THADA: variants seen among roughly 807,000 people sequenced by gnomAD.
THADA encodes tRNA (32-2'-O)-methyltransferase regulator THADA.
Under a neutral mutation model 219.8 loss-of-function variants are expected in THADA, and 213 were observed. The ratio of observed to expected loss-of-function variants is 0.97; its 90% confidence interval spans 0.87 to 1.09. THADA has a LOEUF of 1.09. THADA is among the 50% of genes least tolerant of loss of function. The pLI is 0.00. For missense variants in THADA, 2,956 were observed against 2,311.3 expected (o/e 1.28, Z -5.72); for synonymous variants, 1,018 against 828.9 (o/e 1.23, Z -3.92).
rs533560537 is a variant in THADA at position 43,582,361 on chromosome 2, G to A, written c.534-433C>T. On this transcript the variant is annotated intron_variant, in intron 7 of 37. Transcript: ENST00000405975. ...AAAATACAAAAATTAGCCAGGTGTGGTGGCACATGCCCGTAATCCCAGCTA... is the reference window on the plus strand; with the variant it reads ...AAAATACAAAAATTAGCCAGGTGTGATGGCACATGCCCGTAATCCCAGCTA... Among the ~76,000 whole-genome samples, 139 of 151,938 alleles carry A rather than the reference G, an allele frequency of 9.1e-4. 1 individual carries two copies. Among genetic ancestry groups the A allele is most frequent in the African/African-American group, 3.3e-3 (136 of 41,492 alleles).
chr2:43,411,500 G>C (rs1026776275), intron 28 of THADA, among the ~76,000 whole-genome samples: 1 of 152,094 alleles, frequency 6.6e-6, no homozygotes, highest in African/African-American at 2.4e-5. Context: ...CCCCCAACTT[G>C]ATTAGATTAA....
intron 25 of THADA, among the ~76,000 whole-genome samples, chr2:43,495,563 T>C (rs549486787): frequency 7.2e-5 from 11 of 152,250 alleles, no homozygotes; most frequent in African/African-American, 2.4e-4. Context: ...CTTTTCTTTA[T>C]TTTCAAAATT....
At chr2:43,585,560 A>G (rs1370132946) in intron 7 of THADA, among the ~76,000 whole-genome samples, 1 of 151,198 alleles carries the variant, frequency 6.6e-6, no homozygotes, top group Admixed American at 6.6e-5. Context: ...AGATAGATAG[A>G]TAGATAGATA....
chr2:43,351,934 T>C (rs1668315415), intron 29 of THADA, among the ~76,000 whole-genome samples: 1 of 152,236 alleles, frequency 6.6e-6, no homozygotes, highest in African/African-American at 2.4e-5. Flanking sequence ...CCCCAAGCTG[T>C]TCGTAAGGGC....
intron 29 of THADA, among the ~76,000 whole-genome samples, chr2:43,368,451 C>T (rs1259079595): frequency 6.6e-6 from 1 of 152,152 alleles, no homozygotes; most frequent in Non-Finnish European, 1.5e-5. Context: ...GGCTGGAGTG[C>T]AGTGGTGTGA....
At position 43,591,943 on chromosome 2, in the gene THADA, CAG is replaced by C. The variant is rs1325725809; in HGVS notation, c.171+7_171+8del. 2.7e-6 allele frequency: 4 copies of C among 1,492,036 alleles called. No individual in the cohort carries two copies. Among genetic ancestry groups the C allele is most frequent in the Middle Eastern group, 1.7e-4 (1 of 5,754 alleles). The allele number at this position is 1,492,036 out of a possible 1,614,324, so 92.4% of individuals were successfully genotyped here. ...AAAGATGCATCCATGAATATCAATT[CAG>C]ACTTACCTGTTTAATATAATGGATT... On this transcript the variant is annotated splice_region_variant and intron_variant, in intron 3 of 37. Transcript: ENST00000405975.
chr2:43,390,565 C>G (rs1673246447), intron 29 of THADA, among the ~76,000 whole-genome samples: 1 of 152,186 alleles, frequency 6.6e-6, no homozygotes, highest in Non-Finnish European at 1.5e-5. Context: ...CCTGATTCCC[C>G]TTAGCCTACT....
rs1699173090 is a variant in THADA, at chr2:43,570,496, T to C, written c.2079A>G (p.Ile693Met). 1 of 1,607,740 alleles carries C rather than the reference T, an allele frequency of 6.2e-7. No individual in the cohort carries two copies. The highest frequency in any genetic ancestry group is 8.5e-7 in the Non-Finnish European group (1 of 1,178,312). ...CSLLKKLFCR[I>M]QESSQVLYKL... ...TATAAAGTACCTGAGAACTTTCCTG[T>C]ATCCTACAAAACAACTTTTGAAACA... Residue 693 changes from isoleucine (I) to methionine (M), a missense_variant, in exon 14 of 38, where the codon ATA (isoleucine) becomes ATG (methionine). Coordinates refer to ENST00000405975, the MANE Select transcript of THADA (RefSeq NM_022065.5).
chr2:43,230,919 T>TA lies in THADA; in HGVS notation c.*28dup, dbSNP rs1558435093. 1.9e-6 allele frequency: 3 copies of TA among 1,573,054 alleles called. No individual in the cohort carries two copies. The highest frequency in any genetic ancestry group is 1.7e-6 in the Non-Finnish European group (2 of 1,156,540). ...ATTTAGTGGAGGAAAAATCCACACA[T>TA]ACCCCCATCCCAATCCCCCAGATTT... On this transcript the variant is annotated 3_prime_UTR_variant, in exon 38 of 38. Coordinates refer to ENST00000405975, the MANE Select transcript of THADA (RefSeq NM_022065.5).
chr2:43,367,774 T>C (rs1451872531), intron 29 of THADA, among the ~76,000 whole-genome samples: 1 of 152,146 alleles, frequency 6.6e-6, no homozygotes, highest in Non-Finnish European at 1.5e-5. Context: ...ACTGTTATGT[T>C]GGAGAGAAAA....
chr2:43,377,289 G>T (rs1385942778), intron 29 of THADA, among the ~76,000 whole-genome samples: 2 of 152,134 alleles, frequency 1.3e-5, no homozygotes, highest in Admixed American at 6.6e-5. Flanking sequence ...CTGGAAGGGG[G>T]ATCAACCTGA....
chr2:43,296,938 T>C (rs1405834706), intron 31 of THADA, among the ~76,000 whole-genome samples: 1 of 148,376 alleles, frequency 6.7e-6, no homozygotes, highest in Non-Finnish European at 1.5e-5. Context: ...GTGCCGAGAT[T>C]GCAGCCTCTG....
chr2:43,453,207 A>C (rs1457547220), intron 26 of THADA, among the ~76,000 whole-genome samples: 1 of 152,232 alleles, frequency 6.6e-6, no homozygotes, highest in Non-Finnish European at 1.5e-5. Context: ...CAATTAGAAG[A>C]AATAAGACTC....
In THADA at chr2:43,560,399, A is replaced by T. The variant is rs771628450; in HGVS notation, c.2312-14T>A. Reference sequence around the variant, plus strand: ...TATAAATTCTGCCTAAAAATATTTTAAAAACAAAAAGATTTAAAAGTGAAC... The same window carrying T: ...TATAAATTCTGCCTAAAAATATTTTTAAAACAAAAAGATTTAAAAGTGAAC... On this transcript the variant is annotated splice_polypyrimidine_tract_variant and intron_variant, in intron 15 of 37. Transcript: ENST00000405975. 4 of 1,498,604 alleles carry T rather than the reference A, an allele frequency of 2.7e-6. No homozygotes were observed. Among genetic ancestry groups the T allele is most frequent in the Non-Finnish European group, 3.6e-6 (4 of 1,120,904 alleles). The allele number at this position is 1,498,604 out of a possible 1,614,324, so 92.8% of individuals were successfully genotyped here.
intron 22 of THADA, among the ~76,000 whole-genome samples, chr2:43,515,029 AAT>A (rs1315743134): frequency 4.7e-4 from 16 of 33,950 alleles, no homozygotes; most frequent in African/African-American, 8.4e-4. Flanking sequence ...TTTTATATAT[AAT>A]ATATATAAAT....
chr2:43,267,515 C>T (rs1271414221), intron 36 of THADA, among the ~76,000 whole-genome samples: 1 of 152,216 alleles, frequency 6.6e-6, no homozygotes, highest in Admixed American at 6.5e-5. Flanking sequence ...AAGCGTGTGT[C>T]CATTTAGCTC....
intron 35 of THADA, among the ~76,000 whole-genome samples, chr2:43,281,448 T>G (rs906751171): frequency 2.0e-5 from 3 of 150,332 alleles, no homozygotes; most frequent in African/African-American, 7.3e-5. Flanking sequence ...TTCTTTTTTT[T>G]TTTTTTTTTT....
Position 43,299,179 on chromosome 2 carries a change from AT to A in THADA, c.4439-5967del, listed in dbSNP as rs201952079. Among the ~76,000 whole-genome samples, 8 of 146,824 alleles carry A rather than the reference AT, an allele frequency of 5.4e-5. No individual in the cohort carries two copies. In the East Asian group the frequency reaches 1.4e-3, roughly 25 times the overall value. On this transcript the variant is annotated intron_variant, in intron 31 of 37. Transcript: ENST00000405975. ...AAGATGTCTCATTATATATGCAAAT[AT>A]TTAAAAAAAAAAAACCCAAACCTGA... is the stretch of plus-strand genomic sequence containing the variant.
chr2:43,585,807 C>T (rs927942373), intron 7 of THADA, among the ~76,000 whole-genome samples: 3 of 151,964 alleles, frequency 2.0e-5, no homozygotes, highest in African/African-American at 4.8e-5. Flanking sequence ...AAGGAACACA[C>T]TCAGGTGAGG....
Sources: allele counts gnomAD v4.1 joint callset (sites outside exome capture counted in the v4.1 genomes callset), GRCh38; gene constraint gnomAD v4.1.1; transcripts MANE v1.5; gene names NCBI Gene and HGNC (gene_info 2026-07-23, HGNC 2026-07-21).